Variants in GRM7 observed in about 807,000 individuals in gnomAD.
GRM7 encodes the protein metabotropic glutamate receptor 7.
Under a neutral mutation model 84.5 loss-of-function variants are expected in GRM7, and 35 were observed. That is an observed-to-expected ratio of 0.41 (90% CI 0.32 to 0.55). The LOEUF (loss-of-function observed/expected upper bound fraction) is 0.55. Among genes scored for constraint, GRM7 ranks in the 20% least tolerant of loss-of-function variants. The pLI is 0.19. For synonymous variants in GRM7, 487 were observed against 455.1 expected (o/e 1.07, Z -0.89); for missense variants, 1,003 against 1,194.6 (o/e 0.84, Z 2.36).
intron 9 of GRM7, among the ~76,000 whole-genome samples, chr3:7,685,243 C>G (rs1438073306): frequency 6.6e-6 from 1 of 152,200 alleles, no homozygotes; most frequent in Non-Finnish European, 1.5e-5. Flanking sequence ...GGACTGGTAT[C>G]AACCAGAAGA....
chr3:7,497,853 A>G (rs1057313468), intron 7 of GRM7, among the ~76,000 whole-genome samples: 1 of 152,218 alleles, frequency 6.6e-6, no homozygotes, highest in Non-Finnish European at 1.5e-5. Flanking sequence ...ACTAATGCCC[A>G]TATCACAGGG....
chr3:7,562,505 G>A (rs1694074067), intron 7 of GRM7, among the ~76,000 whole-genome samples: 1 of 151,936 alleles, frequency 6.6e-6, no homozygotes, highest in African/African-American at 2.4e-5. Context: ...CCAGAATTGA[G>A]AGCGTTTGCA....
intron 1 of GRM7, among the ~76,000 whole-genome samples, chr3:6,927,197 G>A (rs752709526): frequency 7.2e-5 from 11 of 152,122 alleles, no homozygotes; most frequent in Non-Finnish European, 1.3e-4. Context: ...GGAGGCTGAG[G>A]TAGACGGATC....
chr3:6,929,867 C>T (rs1337168670), intron 1 of GRM7, among the ~76,000 whole-genome samples: 1 of 152,106 alleles, frequency 6.6e-6, no homozygotes, highest in African/African-American at 2.4e-5. Flanking sequence ...AGAGTATATG[C>T]CCTGCCATGG....
chr3:7,218,307 C>A, intron 2 of GRM7, among the ~76,000 whole-genome samples: 1 of 152,058 alleles, frequency 6.6e-6, no homozygotes, highest in South Asian at 2.1e-4. Flanking sequence ...AACTGAAAAC[C>A]TGTTTGGCAA....
chr3:7,559,765 G>A (rs769535749), intron 7 of GRM7, among the ~76,000 whole-genome samples: 3 of 152,060 alleles, frequency 2.0e-5, no homozygotes, highest in African/African-American at 4.8e-5. Flanking sequence ...ACCTCCGACT[G>A]GGTGACTTAA....
Position 7,640,652 on chromosome 3 carries a change from A to G in GRM7, c.2452-39397A>G, listed in dbSNP as rs897004904. 2.0e-5 allele frequency among the ~76,000 whole-genome samples: 3 copies of G among 152,234 alleles called. No homozygotes were observed. In the East Asian group the frequency reaches 5.8e-4, roughly 29 times the overall value. ...AAGAGAATCTAAGGAAAGTCTGAGA[A>G]ATACTATTTATAGCAATAGCTATAG... On this transcript the variant is annotated intron_variant, in intron 8 of 9. Transcript: ENST00000357716.
chr3:6,909,427 T>G (rs903411940), intron 1 of GRM7, among the ~76,000 whole-genome samples: 7 of 152,148 alleles, frequency 4.6e-5, no homozygotes, highest in African/African-American at 1.7e-4. Flanking sequence ...TGGAGTAAGT[T>G]AAATCTTCCC....
At chr3:7,658,341 G>A (rs1162092261) in intron 8 of GRM7, among the ~76,000 whole-genome samples, 1 of 152,212 alleles carries the variant, frequency 6.6e-6, no homozygotes, top group Admixed American at 6.5e-5. Flanking sequence ...AGGGAAAATA[G>A]ATGATTGCGT....
rs904123030 is a variant in GRM7 at position 7,592,257 on chromosome 3, A to AT, written c.2451+12901dup. Among the ~76,000 whole-genome samples the AT allele has an allele frequency of 1.4e-4, 22 of 152,186 alleles. No homozygotes were observed. The South Asian group carries it at 2.1e-3, about 14-fold the overall frequency. The stretch of plus-strand genomic sequence containing the variant: ...AGGAGAATATCAGACTGTGGCAAAT[A>AT]TAAAAAAAAAAGCAGATAAGAGAAG... On this transcript the variant is annotated intron_variant, in intron 8 of 9. Transcript: ENST00000357716.
chr3:7,437,690 T>G (rs1054645818), intron 5 of GRM7, among the ~76,000 whole-genome samples: 1 of 152,190 alleles, frequency 6.6e-6, no homozygotes, highest in Non-Finnish European at 1.5e-5. Context: ...TTCTTTTGCT[T>G]CTTCTTTCCT....
chr3:7,571,025 G>A (rs1385321479), intron 7 of GRM7, among the ~76,000 whole-genome samples: 2 of 152,164 alleles, frequency 1.3e-5, no homozygotes, highest in Non-Finnish European at 2.9e-5. Context: ...AGTCATGGCT[G>A]GAAAAGCTGG....
chr3:7,331,444 C>T (rs1172899507), intron 4 of GRM7, among the ~76,000 whole-genome samples: 1 of 152,190 alleles, frequency 6.6e-6, no homozygotes, highest in Non-Finnish European at 1.5e-5. Flanking sequence ...TTTTAAAATA[C>T]AGCAGAAGCA....
intron 4 of GRM7, 95 bp downstream of exon 4, chr3:7,306,747 C>G (rs2125034950): frequency 9.5e-7 from 1 of 1,054,612 alleles, no homozygotes; most frequent in Non-Finnish European, 1.4e-6. Flanking sequence ...GGCATTTTTA[C>G]CAAACTCATG....
rs17046895 is a variant in GRM7, at chr3:7,152,575, A to C, written c.736+5907A>C. Among the ~76,000 whole-genome samples the C allele has an allele frequency of 3.3e-3, 506 of 152,210 alleles. 2 individuals are homozygous for C. Among genetic ancestry groups the C allele is most frequent in the African/African-American group, 0.012 (478 of 41,532 alleles). ...TATTCAACCTTCTGTGGATTTGCGG[A>C]TATTCTTTGCCTTTGCAGAGGCTCT... On this transcript the variant is annotated intron_variant, in intron 2 of 9. Transcript: ENST00000357716.
chr3:7,033,264 A>G (rs1343334522), intron 1 of GRM7, among the ~76,000 whole-genome samples: 1 of 152,038 alleles, frequency 6.6e-6, no homozygotes, highest in African/African-American at 2.4e-5. Context: ...CCTCATCATA[A>G]CGGATTATAT....
intron 2 of GRM7, among the ~76,000 whole-genome samples, chr3:7,190,054 G>T (rs1050085054): frequency 2.6e-5 from 4 of 152,038 alleles, no homozygotes; most frequent in Non-Finnish European, 5.9e-5. Context: ...GTTCTTTTCT[G>T]CAAGGTAGTT....
At chr3:7,124,612 G>C (rs1290402320) in intron 1 of GRM7, among the ~76,000 whole-genome samples, 5 of 152,072 alleles carry the variant, frequency 3.3e-5, no homozygotes, top group African/African-American at 1.2e-4. Context: ...ATTTTGCCAG[G>C]ATAGACACAA....
Position 7,080,881 on chromosome 3 carries a change from C to T in GRM7, c.520-65571C>T, listed in dbSNP as rs767419963. On this transcript the variant is annotated intron_variant, in intron 1 of 9. Transcript: ENST00000357716. ...GATAAGGCCTGATATATCATTGATGCTCAAAATATTTAGCAAATGAATTAA... is the reference window on the plus strand; with the variant it reads ...GATAAGGCCTGATATATCATTGATGTTCAAAATATTTAGCAAATGAATTAA... Among the ~76,000 whole-genome samples, 5 of 152,046 alleles carry T rather than the reference C, an allele frequency of 3.3e-5. No homozygotes were observed. In the South Asian group the frequency reaches 8.3e-4, roughly 25 times the overall value.
Sources: gnomAD v4.1 joint callset for allele counts (sites outside exome capture counted in the v4.1 genomes callset) on GRCh38, gnomAD v4.1.1 for gene constraint, MANE v1.5 for transcripts, NCBI Gene and HGNC (gene_info 2026-07-23, HGNC 2026-07-21) for gene names.